Variants in CFAP20DC observed in about 807,000 individuals in gnomAD.
The protein encoded by CFAP20DC is protein CFAP20DC.
Under a neutral mutation model 101.7 loss-of-function variants are expected in CFAP20DC, and 84 were observed. The ratio of observed to expected loss-of-function variants is 0.83; its 90% CI spans 0.69 to 0.99. The LOEUF is 0.99. Among genes scored for constraint, CFAP20DC ranks in the 50% least tolerant of loss-of-function variants. The pLI is 0.00. For synonymous variants in CFAP20DC, 359 were observed against 351.2 expected, an observed-to-expected ratio of 1.02 and a Z score of -0.25; for missense variants, 1,007 against 970.3, an observed-to-expected ratio of 1.04 and a Z score of -0.50.
intron 7 of CFAP20DC, among the ~76,000 whole-genome samples, chr3:58,871,556 CT>C (rs1480959936): frequency 1.4e-5 from 2 of 144,184 alleles, no homozygotes; most frequent in African/African-American, 5.2e-5. Flanking sequence ...TTGAGACAGT[CT>C]TGCTTTTGTC....
chr3:58,741,825 A>G, downstream of CFAP20DC, among the ~76,000 whole-genome samples: 1 of 152,168 alleles, frequency 6.6e-6, no homozygotes. Flanking sequence ...TGTGATCTCC[A>G]GCAAACTCTG....
At position 58,863,553 on chromosome 3, in the gene CFAP20DC, T is replaced by C. The variant is rs1559727192; in HGVS notation, c.1593+5A>G. On this transcript the variant is annotated splice_donor_5th_base_variant and intron_variant, in intron 12 of 16. Coordinates refer to ENST00000482387, the MANE Select transcript of CFAP20DC (RefSeq NM_001394063.1). This position sits in a 1 kb window ranked among gnomAD's most constrained non-coding sequence, Gnocchi z 5.9. ...CAAGACTACTTCACTTATCAAGCAGTGTACCTCTTCACTGCTGTCGCCGCC... is the reference window on the plus strand; with the variant it reads ...CAAGACTACTTCACTTATCAAGCAGCGTACCTCTTCACTGCTGTCGCCGCC... The C allele has an allele frequency of 1.9e-5, 30 of 1,613,656 alleles. No individual in the cohort carries two copies. The highest frequency in any genetic ancestry group is 2.3e-5 in the Non-Finnish European group (27 of 1,179,932).
At chr3:58,851,232 T>C (rs1471753860) in intron 12 of CFAP20DC, among the ~76,000 whole-genome samples, 1 of 152,086 alleles carries the variant, frequency 6.6e-6, no homozygotes, top group Admixed American at 6.6e-5. Flanking sequence ...AAGGCATGGG[T>C]ATACGTTTAT....
Position 58,849,104 on chromosome 3 carries a change from C to G in CFAP20DC, c.1899G>C (p.Val633=), listed in dbSNP as rs558276096. 778 of 1,536,074 alleles carry G rather than the reference C, an allele frequency of 5.1e-4. 19 individuals carry two copies. In the South Asian group the frequency reaches 8.4e-3, roughly 17 times the overall value. Residue 633 remains valine (V), a synonymous_variant, in exon 13 of 17, where the codon GTG becomes GTC. Coordinates refer to ENST00000482387, the MANE Select transcript of CFAP20DC (RefSeq NM_001394063.1). ...GGGAGGTTTTGTTTAGTGAAGCTGG[C>G]ACTTGCTGGGCTGATAGATCCTTCG... ...IKAKDLSAQQ[V]PASLNKTSLK...
intron 15 of CFAP20DC, among the ~76,000 whole-genome samples, chr3:58,780,706 T>G (rs181695124): frequency 9.9e-5 from 15 of 152,124 alleles, no homozygotes; most frequent in Admixed American, 6.5e-4. Context: ...GAGATCATTA[T>G]GTAATGACAA....
rs1480313604 is a variant in CFAP20DC, at chr3:58,937,672, T to C, written c.369A>G (p.Pro123=). Residue 123 remains proline (P), a synonymous_variant, in exon 5 of 17, where the codon CCA becomes CCG. Coordinates refer to ENST00000482387, the MANE Select transcript of CFAP20DC (RefSeq NM_001394063.1). ...CAATTTTACGTTTGATCATGAAGAG[T>C]GGAATTTTTGCATGAAGAGGGGTGG... The part of the protein sequence containing the change: ...LSSTPLHAKI[P]LFMIKRKIWC... 6.2e-7 allele frequency: 1 copy of C among 1,608,048 alleles called. No homozygotes were observed. The highest frequency in any genetic ancestry group is 1.3e-5 in the African/African-American group (1 of 74,846).
chr3:59,025,327 C>CT (rs1475241911), intron 4 of CFAP20DC, among the ~76,000 whole-genome samples: 2 of 152,122 alleles, frequency 1.3e-5, no homozygotes, highest in Non-Finnish European at 2.9e-5. Context: ...AAAGCTGCAT[C>CT]TGTCTTTAGG....
intron 6 of CFAP20DC, among the ~76,000 whole-genome samples, chr3:58,910,277 A>AT (rs1314326711): frequency 6.6e-6 from 1 of 151,992 alleles, no homozygotes; most frequent in Admixed American, 6.6e-5. Context: ...CCACTCACTC[A>AT]TTTTTGTGGA....
At chr3:58,879,799 C>A (rs749298398) in intron 7 of CFAP20DC, among the ~76,000 whole-genome samples, 3 of 152,072 alleles carry the variant, frequency 2.0e-5, no homozygotes, top group Non-Finnish European at 2.9e-5. Flanking sequence ...GAAAAAGTAT[C>A]TGAAAATTCA....
chr3:58,787,057 A>C (rs2072408710), intron 15 of CFAP20DC, among the ~76,000 whole-genome samples: 1 of 151,992 alleles, frequency 6.6e-6, no homozygotes, highest in African/African-American at 2.4e-5. Flanking sequence ...TATACAAAGA[A>C]AGAATATTAT....
At chr3:58,888,957 G>A (rs1262730230) in intron 6 of CFAP20DC, among the ~76,000 whole-genome samples, 1 of 146,456 alleles carries the variant, frequency 6.8e-6, no homozygotes, top group Non-Finnish European at 1.5e-5. Flanking sequence ...AAATCATTCC[G>A]TTTTTCTCCA....
At chr3:58,834,545 G>C (rs963180935) in intron 13 of CFAP20DC, among the ~76,000 whole-genome samples, 4 of 152,148 alleles carry the variant, frequency 2.6e-5, no homozygotes, top group African/African-American at 4.8e-5. Flanking sequence ...TTCTAGGAGA[G>C]AAGAATAAGA....
At chr3:59,000,451 G>C (rs2093277156) in intron 4 of CFAP20DC, among the ~76,000 whole-genome samples, 1 of 152,144 alleles carries the variant, frequency 6.6e-6, no homozygotes, top group East Asian at 1.9e-4. Flanking sequence ...AGTAATGCTT[G>C]TGTTAATTTT....
intron 4 of CFAP20DC, among the ~76,000 whole-genome samples, chr3:58,999,472 T>C (rs2093243142): frequency 6.6e-6 from 1 of 152,128 alleles, no homozygotes; most frequent in African/African-American, 2.4e-5. Flanking sequence ...CAGCCATGCT[T>C]GTTAAACGAA....
chr3:58,902,469 G>A (rs2083231987), intron 6 of CFAP20DC, among the ~76,000 whole-genome samples: 1 of 152,084 alleles, frequency 6.6e-6, no homozygotes, highest in South Asian at 2.1e-4. Flanking sequence ...TCCCATCCTA[G>A]TGGGTATTAA....
intron 12 of CFAP20DC, among the ~76,000 whole-genome samples, chr3:58,850,995 AGG>A (rs1401273412): frequency 6.6e-6 from 1 of 151,596 alleles, no homozygotes; most frequent in Non-Finnish European, 1.5e-5. Flanking sequence ...TCAGTTGGGC[AGG>A]GGACAAGGGA....
At chr3:58,812,175 T>C (rs1043470278) in intron 14 of CFAP20DC, among the ~76,000 whole-genome samples, 2 of 152,108 alleles carry the variant, frequency 1.3e-5, no homozygotes, top group African/African-American at 2.4e-5. Flanking sequence ...GAACTAGAAA[T>C]ACCATTTGAC....
At chr3:58,842,636 G>T (rs1010695511) in intron 13 of CFAP20DC, among the ~76,000 whole-genome samples, 1 of 152,244 alleles carries the variant, frequency 6.6e-6, no homozygotes, top group Non-Finnish European at 1.5e-5. Flanking sequence ...AAGCAGCCAG[G>T]AAGCTCTAAC....
chr3:58,813,876 T>C (rs12637980), intron 14 of CFAP20DC, among the ~76,000 whole-genome samples: 15,205 of 151,870 alleles, frequency 0.1, 1,478 homozygotes, highest in East Asian at 0.35. Context: ...AAACATGTCA[T>C]AAGACATATT....
Sources: allele counts gnomAD v4.1 joint callset (sites outside exome capture counted in the v4.1 genomes callset), GRCh38; gene constraint gnomAD v4.1.1; non-coding constraint Gnocchi (gnomAD v3.1); transcripts MANE v1.5; gene names NCBI Gene and HGNC (gene_info 2026-07-23, HGNC 2026-07-21).